Variants in PCDHGA2 observed in about 807,000 individuals in gnomAD.
PCDHGA2 encodes protocadherin gamma-A2.
A neutral mutation model predicts 59.2 loss-of-function variants in PCDHGA2; 40 were observed. The observed-to-expected ratio is 0.68, with a 90% CI of 0.52 to 0.88. PCDHGA2 has a LOEUF of 0.88. Among genes scored for constraint, PCDHGA2 ranks in the 40% least tolerant of loss-of-function variants. The probability of loss-of-function intolerance (pLI) is 0.00; values close to 1 mark genes in which losing one functional copy is unlikely to be tolerated. For synonymous variants in PCDHGA2, 560 were observed against 526.0 expected (o/e 1.06, Z -0.89); for missense variants, 1,226 against 1,204.0 (o/e 1.02, Z -0.27).
chr5:141,422,961 G>A, intron 1 of PCDHGA2: 1 of 1,614,234 alleles, frequency 6.2e-7, no homozygotes, highest in Non-Finnish European at 8.5e-7. Flanking sequence ...GCGTGGAGCT[G>A]GCGCCCCGCT....
chr5:141,367,755 C>A (rs564169622), intron 1 of PCDHGA2: 1 of 152,184 alleles, frequency 6.6e-6, no homozygotes, highest in South Asian at 2.1e-4. Context: ...TTACATACTG[C>A]TGCACTCAAT....
At chr5:141,370,375 G>T in intron 1 of PCDHGA2, 2 of 1,527,984 alleles carry the variant, frequency 1.3e-6, no homozygotes. Context: ...ATTTAGAAAG[G>T]CAAAGGCGCA....
At chr5:141,364,041 A>G (rs1442486662) in intron 1 of PCDHGA2, among the ~76,000 whole-genome samples, 2 of 152,276 alleles carry the variant, frequency 1.3e-5, no homozygotes, top group African/African-American at 4.8e-5. Context: ...ATATGGCAAC[A>G]TTATTAGAAA....
rs1337141924 is a variant in PCDHGA2, at chr5:141,512,916, CTAATATT to C, written c.*1746_*1752del. On this transcript the variant is annotated 3_prime_UTR_variant, in exon 4 of 4. Coordinates refer to ENST00000394576, the MANE Select transcript of PCDHGA2 (RefSeq NM_018915.4). The stretch of plus-strand genomic sequence containing the variant: ...CTGTGTCTCACGCAAGTTTTATACT[CTAATATT>C]TATATGGCTTTTTTTCTTCGACAAA... The C allele has an allele frequency of 1.3e-5, 2 of 152,206 alleles. No homozygotes were observed. Among genetic ancestry groups the C allele is most frequent in the Non-Finnish European group, 2.9e-5 (2 of 68,046 alleles). The allele number at this position is 152,206 out of a possible 1,614,324, so 9.4% of individuals were successfully genotyped here.
chr5:141,354,912 G>A lies in PCDHGA2; in HGVS notation c.2424+13517G>A, dbSNP rs3806836. On this transcript the variant is annotated intron_variant, in intron 1 of 3. Coordinates refer to ENST00000394576, the MANE Select transcript of PCDHGA2 (RefSeq NM_018915.4). ...TTGGGAGAAATAGGAATAGAAAAGT[G>A]TATAAAAAATAAACTTTTTTTAACC... 0.019 allele frequency: 7,625 copies of A among 408,662 alleles called. 710 individuals are homozygous for A. In the East Asian group the frequency reaches 0.22, roughly 12 times the overall value. The allele number at this position is 408,662 out of a possible 1,614,324, so 25.3% of individuals were successfully genotyped here. A position where few individuals can be genotyped will look rare whatever the true frequency, so the allele number is the denominator to read the frequency against.
intron 1 of PCDHGA2, among the ~76,000 whole-genome samples, chr5:141,456,702 C>A (rs1185842343): frequency 6.6e-6 from 1 of 152,062 alleles, no homozygotes; most frequent in African/African-American, 2.4e-5. Flanking sequence ...TGGTGGCTCG[C>A]GCCTGTAATC....
chr5:141,358,322 G>C (rs1185859053), intron 1 of PCDHGA2, among the ~76,000 whole-genome samples: 2 of 152,310 alleles, frequency 1.3e-5, no homozygotes, highest in African/African-American at 4.8e-5. Context: ...TCTTTCTCAT[G>C]AAGCTATTGT....
In PCDHGA2 at chr5:141,493,664, G is replaced by A. The variant is rs2099749444; in HGVS notation, c.2425-1143G>A. Reference sequence around the variant, plus strand: ...TGGCCATCCCTGTGCCCTTCTCCATGGCAGCCCCAGAATGGTGCTGGTGAC... The same window carrying A: ...TGGCCATCCCTGTGCCCTTCTCCATAGCAGCCCCAGAATGGTGCTGGTGAC... On this transcript the variant is annotated intron_variant, in intron 1 of 3. Coordinates refer to ENST00000394576, the MANE Select transcript of PCDHGA2 (RefSeq NM_018915.4). This position sits in a 1 kb window ranked among gnomAD's most constrained non-coding sequence, Gnocchi z 4.3. Among the ~76,000 whole-genome samples, 1 of 152,136 alleles carries A rather than the reference G, an allele frequency of 6.6e-6. No homozygotes were observed. Among genetic ancestry groups the A allele is most frequent in the Non-Finnish European group, 1.5e-5 (1 of 68,026 alleles).
chr5:141,344,080 T>C, intron 1 of PCDHGA2: 1 of 1,610,900 alleles, frequency 6.2e-7, no homozygotes, highest in Non-Finnish European at 8.5e-7. Flanking sequence ...CTGGCCCTGC[T>C]GTGCGCGCTC....
chr5:141,360,880 G>C, intron 1 of PCDHGA2: 1 of 1,614,004 alleles, frequency 6.2e-7, no homozygotes, highest in Non-Finnish European at 8.5e-7. Flanking sequence ...CGTGTACAGG[G>C]TCACCCTGAG....
At chr5:141,430,817 C>T (rs200369093) in intron 1 of PCDHGA2, 2 of 1,539,796 alleles carry the variant, frequency 1.3e-6, no homozygotes, top group Non-Finnish European at 1.7e-6. Flanking sequence ...GGGAATCCTC[C>T]TGGGGACTCT....
intron 2 of PCDHGA2, among the ~76,000 whole-genome samples, chr5:141,503,203 A>G (rs10477147): frequency 0.037 from 5,590 of 152,130 alleles, 132 homozygotes; most frequent in South Asian, 0.073. Flanking sequence ...TCAGCCTCTC[A>G]GTGCCCACCA....
Position 141,476,369 on chromosome 5 carries a change from G to A in PCDHGA2, c.2425-18438G>A, listed in dbSNP as rs1178923246. 1.9e-6 allele frequency: 3 copies of A among 1,614,098 alleles called. No homozygotes were observed. The African/African-American group carries it at 4.0e-5, about 22-fold the overall frequency. ...CTTTGAGGTGAACCGGGAGACCGGA[G>A]AGATGTTTGTGAACGACCGTCTGGA... On this transcript the variant is annotated intron_variant, in intron 1 of 3. Transcript: ENST00000394576. This position sits in a 1 kb window ranked among gnomAD's most constrained non-coding sequence, Gnocchi z 7.6.
rs759839362 is a variant in PCDHGA2 at position 141,351,387 on chromosome 5, G to T, written c.2424+9992G>T. 8 of 1,611,986 alleles carry T rather than the reference G, an allele frequency of 5.0e-6. No individual in the cohort carries two copies. The South Asian group carries it at 7.7e-5, about 16-fold the overall frequency. On this transcript the variant is annotated intron_variant, in intron 1 of 3. Transcript: ENST00000394576. ...CGAGACAAGGATTCTGGGCAAAATG[G>T]CATGGTGACATGCTATACTCAGGAA...
At chr5:141,365,397 T>A (rs1763890362) in intron 1 of PCDHGA2, 1 of 1,613,844 alleles carries the variant, frequency 6.2e-7, no homozygotes, top group Non-Finnish European at 8.5e-7. Context: ...ACCAGTTCGA[T>A]CTCTGAAGAC....
At chr5:141,403,746 C>T (rs773668506) in intron 1 of PCDHGA2, 1 of 1,613,904 alleles carries the variant, frequency 6.2e-7, no homozygotes, top group South Asian at 1.1e-5. Context: ...CTTACTGCAA[C>T]AGCCAGCGAC....
intron 1 of PCDHGA2, among the ~76,000 whole-genome samples, chr5:141,370,068 G>A (rs988277757): frequency 9.9e-5 from 15 of 152,192 alleles, no homozygotes; most frequent in Non-Finnish European, 1.9e-4. Flanking sequence ...TTTTAAAATG[G>A]GAAGAAAGTA....
At chr5:141,386,438 G>A (rs79313044) in intron 1 of PCDHGA2, among the ~76,000 whole-genome samples, 2,560 of 152,240 alleles carry the variant, frequency 0.017, 31 homozygotes, top group South Asian at 0.037. Context: ...CTGCATGGGA[G>A]GCTGAGGCAA....
intron 1 of PCDHGA2, among the ~76,000 whole-genome samples, chr5:141,347,718 C>T (rs1370816612): frequency 6.0e-5 from 9 of 149,548 alleles, no homozygotes; most frequent in Non-Finnish European, 1.0e-4. Context: ...ACCCAGGAGG[C>T]AGAAGTTGCA....
Sources: gnomAD v4.1 joint callset for allele counts (sites outside exome capture counted in the v4.1 genomes callset) on GRCh38, gnomAD v4.1.1 for gene constraint, Gnocchi (gnomAD v3.1) non-coding constraint, MANE v1.5 for transcripts, NCBI Gene and HGNC (gene_info 2026-07-23, HGNC 2026-07-21) for gene names.